CSMD3: variants seen among roughly 807,000 people sequenced by gnomAD.
CSMD3 encodes the protein CUB and Sushi multiple domains 3.
In CSMD3, 177 loss-of-function variants were observed where a neutral mutation model predicts 435.2. The observed-to-expected ratio is 0.41, with a 90% CI of 0.36 to 0.46. The LOEUF is 0.46. CSMD3 is among the 20% of genes least tolerant of loss of function. The probability of loss-of-function intolerance (pLI) is 0.34; values close to 1 mark genes in which losing one functional copy is unlikely to be tolerated. For synonymous variants in CSMD3, 1,656 were observed against 1,520.5 expected, an observed-to-expected ratio of 1.09 and a Z score of -2.07; for missense variants, 4,265 against 4,504.6, an observed-to-expected ratio of 0.95 and a Z score of 1.52.
chr8:112,816,268 T>C (rs1023809241), intron 12 of CSMD3, among the ~76,000 whole-genome samples: 1 of 152,136 alleles, frequency 6.6e-6, no homozygotes, highest in Non-Finnish European at 1.5e-5. Context: ...TAGAAGATGA[T>C]TGCTGCCCTC....
At chr8:113,354,290 C>A (rs2094207694) in intron 1 of CSMD3, among the ~76,000 whole-genome samples, 1 of 151,936 alleles carries the variant, frequency 6.6e-6, no homozygotes, top group Admixed American at 6.6e-5. Context: ...AATTTGAATA[C>A]CTGAATAAAT....
chr8:112,405,146 G>C (rs894351606), intron 35 of CSMD3, among the ~76,000 whole-genome samples: 3 of 123,652 alleles, frequency 2.4e-5, no homozygotes, highest in African/African-American at 6.2e-5. Flanking sequence ...ATCATGCCAC[G>C]GCCTTCCAGC....
At position 112,829,732 on chromosome 8, in the gene CSMD3, T is replaced by C. The variant is rs755663933; in HGVS notation, c.1813A>G (p.Ile605Val). The C allele has an allele frequency of 1.1e-5, 18 of 1,613,486 alleles. 1 individual carries two copies. The Admixed American group carries it at 2.8e-4, about 25-fold the overall frequency. Reference protein sequence around the residue: ...DLEIGYDTLTIGDGGEVGDPR... With the variant: ...DLEIGYDTLTVGDGGEVGDPR... ...TCTCCAACTTCGCCCCCATCGCCAA[T>C]TGTCAAGGTATCATAGCCAATCTCC... The change falls in exon 12 of 71, where the codon ATT (isoleucine) becomes GTT (valine). Residue 605 changes from isoleucine (I) to valine (V), a missense_variant. This residue lies in a region of CSMD3 where 731 missense variants were observed against 755.4 expected (regional missense o/e 0.97). Transcript: ENST00000297405.
chr8:113,076,201 A>G (rs2089329395), intron 5 of CSMD3, among the ~76,000 whole-genome samples: 1 of 151,204 alleles, frequency 6.6e-6, no homozygotes, highest in Admixed American at 6.6e-5. Context: ...TGGATACTAG[A>G]TAGATAGCAA....
chr8:113,063,255 A>G (rs2088697303), intron 5 of CSMD3, among the ~76,000 whole-genome samples: 1 of 151,682 alleles, frequency 6.6e-6, no homozygotes, highest in African/African-American at 2.4e-5. Flanking sequence ...ATGCCTTTTA[A>G]GTTTGCATTA....
At chr8:112,397,747 T>A (rs1830974794) in intron 35 of CSMD3, among the ~76,000 whole-genome samples, 1 of 152,180 alleles carries the variant, frequency 6.6e-6, no homozygotes, top group East Asian at 1.9e-4. Flanking sequence ...CCCCCAATAC[T>A]ATCATCTTAT....
chr8:112,680,359 A>AAAAC (rs572501629), intron 16 of CSMD3, among the ~76,000 whole-genome samples: 304 of 152,248 alleles, frequency 2.0e-3, no homozygotes, highest in African/African-American at 4.9e-3. Context: ...ACTCCATCTC[A>AAAAC]AAACAAACAA....
At chr8:112,550,539 A>G (rs1453655285) in intron 27 of CSMD3, 132 bp downstream of exon 27, 2 of 603,522 alleles carry the variant, frequency 3.3e-6, no homozygotes, top group African/African-American at 3.7e-5. Flanking sequence ...CTGCAGAAAT[A>G]TAGGAAGACT....
chr8:113,310,785 T>C (rs896163316), intron 2 of CSMD3: 2 of 151,756 alleles, frequency 1.3e-5, no homozygotes, highest in Admixed American at 1.3e-4. Flanking sequence ...CAAGAACCAA[T>C]CTAAAATATA....
intron 7 of CSMD3, among the ~76,000 whole-genome samples, chr8:112,973,712 G>T (rs1424141257): frequency 5.9e-5 from 9 of 151,764 alleles, no homozygotes; most frequent in Non-Finnish European, 1.5e-5. Context: ...AGAATAGTAG[G>T]TTTCCCCTAC....
chr8:112,271,183 A>C (rs1156866342), intron 59 of CSMD3, among the ~76,000 whole-genome samples: 1 of 152,198 alleles, frequency 6.6e-6, no homozygotes, highest in African/African-American at 2.4e-5. Flanking sequence ...AGACTTATTT[A>C]TTGACTTACA....
chr8:112,368,021 C>A lies in CSMD3; in HGVS notation c.6136+12331G>T, dbSNP rs150841107. Among the ~76,000 whole-genome samples, 678 of 152,200 alleles carry A rather than the reference C, an allele frequency of 4.5e-3. 4 individuals are homozygous for A. The highest frequency in any genetic ancestry group is 5.6e-3 in the Non-Finnish European group (378 of 67,988). Reference sequence around the variant, plus strand: ...GTGAGATAACTTGGTTTTTAGGGAACCTCAAAAATTTTCTGAGTGTCACAT... The same window carrying A: ...GTGAGATAACTTGGTTTTTAGGGAAACTCAAAAATTTTCTGAGTGTCACAT... On this transcript the variant is annotated intron_variant, in intron 38 of 70. Transcript: ENST00000297405.
intron 32 of CSMD3, among the ~76,000 whole-genome samples, chr8:112,420,182 T>C (rs765269449): frequency 1.4e-4 from 22 of 152,136 alleles, no homozygotes; most frequent in Non-Finnish European, 2.8e-4. Context: ...ATATACCAAG[T>C]AGACATAATA....
intron 61 of CSMD3, among the ~76,000 whole-genome samples, chr8:112,261,540 A>C (rs959896521): frequency 4.5e-4 from 69 of 151,912 alleles, no homozygotes; most frequent in African/African-American, 1.6e-3. Flanking sequence ...GTGTGTGTGC[A>C]TATGGCATAT....
intron 32 of CSMD3, among the ~76,000 whole-genome samples, chr8:112,438,373 T>C (rs1327941745): frequency 6.6e-6 from 1 of 152,134 alleles, no homozygotes; most frequent in African/African-American, 2.4e-5. Flanking sequence ...TCTGCTGGAG[T>C]CACTAAGGTG....
chr8:113,106,518 G>C (rs141832663), intron 4 of CSMD3, among the ~76,000 whole-genome samples: 1 of 152,282 alleles, frequency 6.6e-6, no homozygotes, highest in Admixed American at 6.5e-5. Context: ...GTTCCAAAAA[G>C]GTTGTGGAGC....
chr8:113,210,894 T>A (rs1419787484), intron 3 of CSMD3, among the ~76,000 whole-genome samples: 1 of 151,096 alleles, frequency 6.6e-6, no homozygotes, highest in Non-Finnish European at 1.5e-5. Context: ...AAAAAAAGAA[T>A]CTTAGAAAGG....
rs563264727 is a variant in CSMD3 at position 112,359,436 on chromosome 8, G to A, written c.6137-6902C>T. On this transcript the variant is annotated intron_variant, in intron 38 of 70. Transcript: ENST00000297405. ...TGAGAATGAAAGCTCCAGAAGGGCC[G>A]TTAGAGAACAGTGTCTTGAGGAGGC... 2.1e-4 allele frequency among the ~76,000 whole-genome samples: 32 copies of A among 152,244 alleles called. 2 individuals carry two copies. The South Asian group carries it at 4.6e-3, about 22-fold the overall frequency.
chr8:112,377,844 A>C (rs1470884080), intron 38 of CSMD3, among the ~76,000 whole-genome samples: 1 of 152,140 alleles, frequency 6.6e-6, no homozygotes, highest in African/African-American at 2.4e-5. Flanking sequence ...TAAGAAATTT[A>C]CCTCAACATA....
Sources: allele counts gnomAD v4.1 joint callset (sites outside exome capture counted in the v4.1 genomes callset), GRCh38; gene constraint gnomAD v4.1.1; regional missense constraint gnomAD v4.1.1; transcripts MANE v1.5; gene names NCBI Gene and HGNC (gene_info 2026-07-23, HGNC 2026-07-21).